The following STRN variants were observed in gnomAD, a reference collection of about 807,000 sequenced individuals.
The protein encoded by STRN is protein phosphatase 2 regulatory subunit B'''alpha.
A neutral mutation model predicts 96.3 loss-of-function variants in STRN; 53 were observed. That is an observed-to-expected ratio of 0.55 (90% confidence interval 0.44 to 0.69). The LOEUF is 0.69. Among genes scored for constraint, STRN ranks in the 30% least tolerant of loss-of-function variants. The probability of loss-of-function intolerance (pLI) is 0.00; values close to 1 mark genes in which losing one functional copy is unlikely to be tolerated. For synonymous variants in STRN, 428 were observed against 355.9 expected (o/e 1.20, Z -2.28); for missense variants, 987 against 963.9 (o/e 1.02, Z -0.32).
chr2:36,947,586 T>A (rs572447518), intron 1 of STRN, among the ~76,000 whole-genome samples: 2 of 148,612 alleles, frequency 1.3e-5, no homozygotes, highest in East Asian at 3.9e-4. Context: ...TATATATATA[T>A]AAAATCACTG....
At chr2:36,893,128 G>A (rs1669443743) in intron 7 of STRN, among the ~76,000 whole-genome samples, 1 of 152,040 alleles carries the variant, frequency 6.6e-6, no homozygotes, top group African/African-American at 2.4e-5. Flanking sequence ...ACTTTCAGGT[G>A]CCAGTAATAA....
At chr2:36,931,242 T>C (rs1670568263) in intron 1 of STRN, among the ~76,000 whole-genome samples, 1 of 152,148 alleles carries the variant, frequency 6.6e-6, no homozygotes, top group Non-Finnish European at 1.5e-5. Context: ...AATTCCTTAG[T>C]TATGACTATA....
At chr2:36,945,880 C>T (rs985760178) in intron 1 of STRN, among the ~76,000 whole-genome samples, 3 of 152,122 alleles carry the variant, frequency 2.0e-5, no homozygotes, top group Non-Finnish European at 4.4e-5. Flanking sequence ...ACATTTTTAA[C>T]ATGCCACATA....
At chr2:36,890,135 T>C (rs1669349454) in intron 7 of STRN, among the ~76,000 whole-genome samples, 4 of 152,184 alleles carry the variant, frequency 2.6e-5, no homozygotes, top group Admixed American at 2.6e-4. Flanking sequence ...GATGCAGCTA[T>C]GTTGGTGGAC....
chr2:36,957,861 C>T (rs1373862795), intron 1 of STRN, among the ~76,000 whole-genome samples: 1 of 142,370 alleles, frequency 7.0e-6, no homozygotes, highest in Non-Finnish European at 1.5e-5. Context: ...GGTGATTCTC[C>T]TGCCTCAGCC....
chr2:36,908,547 T>C (rs1000426503), intron 3 of STRN, among the ~76,000 whole-genome samples: 2 of 152,126 alleles, frequency 1.3e-5, no homozygotes, highest in African/African-American at 4.8e-5. Context: ...GAGAGATTTG[T>C]GAAAACACTA....
At chr2:36,945,461 T>A (rs1375895236) in intron 1 of STRN, among the ~76,000 whole-genome samples, 1 of 151,830 alleles carries the variant, frequency 6.6e-6, no homozygotes, top group Non-Finnish European at 1.5e-5. Context: ...AGGTCAGGAG[T>A]TTGAGACCAG....
At chr2:36,896,103 C>A (rs1669534713) in intron 6 of STRN, among the ~76,000 whole-genome samples, 1 of 152,178 alleles carries the variant, frequency 6.6e-6, no homozygotes, top group Admixed American at 6.5e-5. Context: ...CCACCACCAA[C>A]ATCTTACAGA....
At chr2:36,911,249 T>A (rs907893199) in intron 3 of STRN, among the ~76,000 whole-genome samples, 1 of 152,160 alleles carries the variant, frequency 6.6e-6, no homozygotes, top group Non-Finnish European at 1.5e-5. Context: ...GCCACCACCC[T>A]CTCTAGCTGT....
In STRN at chr2:36,839,854, T is replaced by TTG. The variant is rs1558613799; in HGVS notation, c.*9600_*9601dup. The TTG allele has an allele frequency of 6.6e-6, 1 of 152,234 alleles. No homozygotes were observed. The highest frequency in any genetic ancestry group is 1.9e-4 in the East Asian group (1 of 5,208). 9.4% of individuals were successfully genotyped at this position (152,234 alleles called of 1,614,324 possible). On this transcript the variant is annotated 3_prime_UTR_variant, in exon 18 of 18. Coordinates refer to ENST00000263918, the MANE Select transcript of STRN (RefSeq NM_003162.4). ...TCATTTGAATATTAAATATAAATAGTTGGTCTCTAACTTGTTGACTGTTTT... is the reference window on the plus strand; with the variant it reads ...TCATTTGAATATTAAATATAAATAGTTGTGGTCTCTAACTTGTTGACTGTTTT...
rs548524341 is a variant in STRN, at chr2:36,912,009, T to C, written c.412+4069A>G. Among the ~76,000 whole-genome samples the C allele has an allele frequency of 3.3e-5, 5 of 152,314 alleles. No homozygotes were observed. The South Asian group carries it at 1.0e-3, about 32-fold the overall frequency. ...ATCTCATATATAAAGCTATCACTTG[T>C]GGACATTTCCTCAAATACCCACCAC... On this transcript the variant is annotated intron_variant, in intron 3 of 17. Coordinates refer to ENST00000263918, the MANE Select transcript of STRN (RefSeq NM_003162.4).
intron 1 of STRN, among the ~76,000 whole-genome samples, chr2:36,936,620 A>G (rs1670708229): frequency 6.6e-6 from 1 of 152,216 alleles, no homozygotes; most frequent in African/African-American, 2.4e-5. Context: ...TTTCAATACA[A>G]TGATGAAGCC....
chr2:36,850,470 T>C (rs1226534946), intron 16 of STRN, among the ~76,000 whole-genome samples: 4 of 152,142 alleles, frequency 2.6e-5, no homozygotes, highest in Non-Finnish European at 4.4e-5. Context: ...GACCAACCAG[T>C]CAGTTTTATA....
chr2:36,902,930 G>A (rs1361110586), intron 4 of STRN, 179 bp from the exon 5 acceptor site: 1 of 407,198 alleles, frequency 2.5e-6, no homozygotes, highest in Non-Finnish European at 4.2e-6. Context: ...GTCTCTTGCA[G>A]TACCAGCCTC....
intron 3 of STRN, among the ~76,000 whole-genome samples, chr2:36,907,668 G>C (rs1669859164): frequency 6.6e-6 from 1 of 152,110 alleles, no homozygotes; most frequent in Non-Finnish European, 1.5e-5. Context: ...AGATAAGAAA[G>C]CTTGAGTTTT....
chr2:36,950,032 G>A (rs1664713494), intron 1 of STRN, among the ~76,000 whole-genome samples: 1 of 151,908 alleles, frequency 6.6e-6, no homozygotes, highest in Non-Finnish European at 1.5e-5. Context: ...AAAAGAGAAA[G>A]ACAACAAAGG....
rs1572614160 is a variant in STRN, at chr2:36,843,278, A to T, written c.*6178T>A. On this transcript the variant is annotated 3_prime_UTR_variant, in exon 18 of 18. Coordinates refer to ENST00000263918, the MANE Select transcript of STRN (RefSeq NM_003162.4). ...AGAAGAGATGCCTTTTAAATTTCAT[A>T]TTGTATTGTGGATCCTGATTGGAAC... Among the ~76,000 whole-genome samples, 2 of 152,288 alleles carry T rather than the reference A, an allele frequency of 1.3e-5. No homozygotes were observed. Among genetic ancestry groups the T allele is most frequent in the African/African-American group, 4.8e-5 (2 of 41,562 alleles).
rs1351500912 is a variant in STRN, at chr2:36,846,439, TTATA to T, written c.*3013_*3016del. ...TATATATATATATATAGTTTATATA[TTATA>T]TATATTCTTACAATATATATAATAT... is the stretch of plus-strand genomic sequence containing the variant. On this transcript the variant is annotated 3_prime_UTR_variant, in exon 18 of 18. Coordinates refer to ENST00000263918, the MANE Select transcript of STRN (RefSeq NM_003162.4). 5 of 126,688 alleles carry T rather than the reference TTATA, an allele frequency of 3.9e-5. No homozygotes were observed. Among genetic ancestry groups the T allele is most frequent in the Non-Finnish European group, 8.3e-5 (5 of 60,168 alleles). 7.8% of individuals were successfully genotyped at this position (126,688 alleles called of 1,614,324 possible). A position where few individuals can be genotyped will look rare whatever the true frequency, so the allele number is the denominator to read the frequency against.
chr2:36,888,432 A>G (rs985304181), intron 7 of STRN, among the ~76,000 whole-genome samples: 1 of 152,116 alleles, frequency 6.6e-6, no homozygotes, highest in Admixed American at 6.6e-5. Context: ...TCTCCCTAGA[A>G]TCACTCTGCT....
Sources: gnomAD v4.1 joint callset for allele counts (sites outside exome capture counted in the v4.1 genomes callset) on GRCh38, gnomAD v4.1.1 for gene constraint, MANE v1.5 for transcripts, NCBI Gene and HGNC (gene_info 2026-07-23, HGNC 2026-07-21) for gene names.